Variants in NXPE4 observed in about 807,000 individuals in gnomAD.
NXPE4 encodes the protein NXPE family member 4.
In NXPE4, 42 loss-of-function variants were observed where a neutral mutation model predicts 33.3. The observed-to-expected ratio is 1.26, with a 90% CI of 0.98 to 1.63. The LOEUF (loss-of-function observed/expected upper bound fraction) is 1.63. Among genes scored for constraint, NXPE4 ranks in the 40% most tolerant of loss-of-function variants. The pLI is 0.00. For synonymous variants in NXPE4, 253 were observed against 234.9 expected, an observed-to-expected ratio of 1.08 and a Z score of -0.71; for missense variants, 709 against 647.6, an observed-to-expected ratio of 1.09 and a Z score of -1.03.
chr11:114,652,500 G>A, the NXPE4 span, among the ~76,000 whole-genome samples: 2 of 152,092 alleles, frequency 1.3e-5, no homozygotes, highest in African/African-American at 2.4e-5. Context: ...TATATAATGA[G>A]GATTATGATG....
rs180907957 is a variant in NXPE4 at position 114,588,091 on chromosome 11, G to T, written c.97-5070C>A. On this transcript the variant is annotated intron_variant, in intron 2 of 5. Transcript: ENST00000375478. The stretch of plus-strand genomic sequence containing the variant: ...CTCTTTCAGCAGTCATATCAGGAGG[G>T]CCCAAAGGGAATGATTCCCCAAAAC... Among the ~76,000 whole-genome samples the T allele has an allele frequency of 1.3e-3, 193 of 152,252 alleles. 1 individual carries two copies. Among genetic ancestry groups the T allele is most frequent in the Non-Finnish European group, 2.4e-3 (161 of 68,020 alleles).
the NXPE4 span, among the ~76,000 whole-genome samples, chr11:114,669,365 C>T: frequency 3.3e-5 from 5 of 152,088 alleles, no homozygotes; most frequent in Non-Finnish European, 5.9e-5. Flanking sequence ...TGACAAAGCT[C>T]TACTCTGGCA....
At chr11:114,621,750 A>G in the NXPE4 span, among the ~76,000 whole-genome samples, 1 of 149,964 alleles carries the variant, frequency 6.7e-6, no homozygotes, top group Non-Finnish European at 1.5e-5. Flanking sequence ...GTTAACTGCT[A>G]GATAATAGGT....
chr11:114,631,251 T>G, the NXPE4 span, among the ~76,000 whole-genome samples: 1 of 151,896 alleles, frequency 6.6e-6, no homozygotes, highest in African/African-American at 2.4e-5. Flanking sequence ...TTATTCACAA[T>G]AGCAAAGACT....
In NXPE4 at chr11:114,582,335, GT is replaced by G. The variant is rs1565332838; in HGVS notation, c.782del (p.Asn261ThrfsTer22). ...GTTTGCTAAGATAAGAAACTTTCTT[GT>G]TCTTAGAATACATGTGAGTGAGTGC... ...CAALTHMYSK[N>X]KKVSYLSKQE... On this transcript the variant is annotated frameshift_variant, in exon 3 of 6. Transcript: ENST00000375478. LOFTEE classifies it high-confidence loss of function. 6.3e-7 allele frequency: 1 copy of G among 1,599,730 alleles called. No homozygotes were observed. Among genetic ancestry groups the G allele is most frequent in the East Asian group, 2.2e-5 (1 of 44,658 alleles).
the NXPE4 span, among the ~76,000 whole-genome samples, chr11:114,610,527 A>G: frequency 4.6e-5 from 7 of 151,702 alleles, no homozygotes; most frequent in Non-Finnish European, 8.8e-5. Flanking sequence ...AACCACTGTT[A>G]CCCGGTGGAT....
upstream of NXPE4, among the ~76,000 whole-genome samples, chr11:114,600,321 G>A (rs1340175020): frequency 6.6e-6 from 1 of 152,008 alleles, no homozygotes; most frequent in Admixed American, 6.6e-5. Flanking sequence ...TCATTTAAAA[G>A]TCAAAACAAT....
At chr11:114,641,885 T>C in the NXPE4 span, among the ~76,000 whole-genome samples, 1 of 152,112 alleles carries the variant, frequency 6.6e-6, no homozygotes, top group Non-Finnish European at 1.5e-5. Context: ...ACATCTGAAT[T>C]GGTGTTCTCA....
chr11:114,605,196 G>A, the NXPE4 span, among the ~76,000 whole-genome samples: 1 of 151,924 alleles, frequency 6.6e-6, no homozygotes, highest in Non-Finnish European at 1.5e-5. Flanking sequence ...CTCTTACCCA[G>A]TGGATAATAA....
chr11:114,651,545 A>G, the NXPE4 span, among the ~76,000 whole-genome samples: 1 of 152,306 alleles, frequency 6.6e-6, no homozygotes, highest in South Asian at 2.1e-4. Flanking sequence ...AAAGATTGCC[A>G]CTGCTGGCTT....
chr11:114,605,806 A>G, the NXPE4 span, among the ~76,000 whole-genome samples: 3 of 151,686 alleles, frequency 2.0e-5, no homozygotes, highest in Non-Finnish European at 4.4e-5. Context: ...CTCTAGGGTT[A>G]CCACTGTTAC....
chr11:114,605,564 A>C, the NXPE4 span, among the ~76,000 whole-genome samples: 1 of 151,468 alleles, frequency 6.6e-6, no homozygotes, highest in African/African-American at 2.4e-5. Flanking sequence ...AACCACTGTT[A>C]CCCGGTGGAT....
chr11:114,634,757 A>C, the NXPE4 span, among the ~76,000 whole-genome samples: 1 of 152,020 alleles, frequency 6.6e-6, no homozygotes, highest in East Asian at 1.9e-4. Context: ...CAGGTTTCTC[A>C]AAGATCAGAT....
At chr11:114,594,339 AAAAC>A (rs1241686538) in intron 2 of NXPE4, among the ~76,000 whole-genome samples, 1 of 152,202 alleles carries the variant, frequency 6.6e-6, no homozygotes, top group East Asian at 1.9e-4. Flanking sequence ...TTAAAAATTA[AAAAC>A]AAACAAATGA....
the NXPE4 span, among the ~76,000 whole-genome samples, chr11:114,647,885 A>G: frequency 7.9e-5 from 12 of 152,202 alleles, no homozygotes; most frequent in East Asian, 2.1e-3. Context: ...TAATTTTAGT[A>G]GAGACGAGGT....
chr11:114,612,067 T>C, the NXPE4 span, among the ~76,000 whole-genome samples: 1 of 150,664 alleles, frequency 6.6e-6, no homozygotes, highest in African/African-American at 2.4e-5. Context: ...GGGTAACCAC[T>C]CTTACATGGT....
chr11:114,650,960 G>A, the NXPE4 span, among the ~76,000 whole-genome samples: 2 of 152,034 alleles, frequency 1.3e-5, no homozygotes, highest in African/African-American at 4.8e-5. Context: ...CAGGAAGCAG[G>A]AACACTGAGG....
At chr11:114,666,383 GA>G in the NXPE4 span, among the ~76,000 whole-genome samples, 1 of 152,002 alleles carries the variant, frequency 6.6e-6, no homozygotes, top group Admixed American at 6.6e-5. Context: ...GGGGATGAAA[GA>G]TTTTTTTTCC....
At chr11:114,670,603 G>A in the NXPE4 span, among the ~76,000 whole-genome samples, 3 of 151,780 alleles carry the variant, frequency 2.0e-5, no homozygotes, top group African/African-American at 7.3e-5. Context: ...GAGGCAGGAG[G>A]ATCACTTGAA....
Sources: gnomAD v4.1 joint callset for allele counts (sites outside exome capture counted in the v4.1 genomes callset) on GRCh38, gnomAD v4.1.1 for gene constraint, MANE v1.5 for transcripts, NCBI Gene and HGNC (gene_info 2026-07-23, HGNC 2026-07-21) for gene names.